The following TNRC6C variants were observed in gnomAD, a reference collection of about 807,000 sequenced individuals.
TNRC6C encodes trinucleotide repeat containing adaptor 6C, also known as trinucleotide repeat-containing gene 6C protein.
In TNRC6C, 20 loss-of-function variants were observed where a neutral mutation model predicts 153.7. That is an observed-to-expected ratio of 0.13 (90% CI 0.09 to 0.19). The LOEUF (loss-of-function observed/expected upper bound fraction) is 0.19. TNRC6C is among the 10% of genes least tolerant of loss of function. The pLI is 1.00. For missense variants in TNRC6C, 1,987 were observed against 2,172.0 expected (o/e 0.91, Z 1.69); for synonymous variants, 811 against 841.4 (o/e 0.96, Z 0.63).
chr17:78,047,750 G>T (rs2072439310), intron 2 of TNRC6C, among the ~76,000 whole-genome samples: 2 of 152,132 alleles, frequency 1.3e-5, no homozygotes, highest in African/African-American at 4.8e-5. Flanking sequence ...ACTCACCAAG[G>T]ATTTCTAAAT....
intron 10 of TNRC6C, among the ~76,000 whole-genome samples, chr17:78,082,627 G>T (rs914579798): frequency 6.6e-6 from 1 of 152,314 alleles, no homozygotes; most frequent in African/African-American, 2.4e-5. Context: ...AGATAAGGGC[G>T]TTTGTAACCC....
At chr17:78,011,554 G>A (rs527723950) in intron 1 of TNRC6C, among the ~76,000 whole-genome samples, 15 of 152,186 alleles carry the variant, frequency 9.9e-5, no homozygotes, top group Non-Finnish European at 1.9e-4. Context: ...TTGTGTAGGT[G>A]TATCACAGCT....
intron 1 of TNRC6C, among the ~76,000 whole-genome samples, chr17:78,007,589 G>A (rs927414553): frequency 6.6e-6 from 1 of 152,154 alleles, no homozygotes; most frequent in Non-Finnish European, 1.5e-5. Context: ...TCCCTCCCCT[G>A]CTCCAGATTG....
intron 1 of TNRC6C, among the ~76,000 whole-genome samples, chr17:77,986,457 AAG>A (rs1156925089): frequency 6.6e-6 from 1 of 151,678 alleles, no homozygotes; most frequent in Non-Finnish European, 1.5e-5. Flanking sequence ...ATTTCACTGA[AAG>A]AGGGAAAAAA....
intron 17 of TNRC6C, among the ~76,000 whole-genome samples, chr17:78,099,759 C>T (rs1270392045): frequency 6.6e-6 from 1 of 152,196 alleles, no homozygotes; most frequent in Non-Finnish European, 1.5e-5. Flanking sequence ...GCCTTCCCAG[C>T]AGTCCCCTAA....
At chr17:78,074,916 A>G (rs191201928) in intron 7 of TNRC6C, among the ~76,000 whole-genome samples, 268 of 152,348 alleles carry the variant, frequency 1.8e-3, no homozygotes, top group Non-Finnish European at 2.7e-3. Flanking sequence ...GAGCCACGGA[A>G]GGGTGCCTGG....
At chr17:77,993,259 G>A (rs971410103) in intron 1 of TNRC6C, among the ~76,000 whole-genome samples, 1 of 152,126 alleles carries the variant, frequency 6.6e-6, no homozygotes, top group Non-Finnish European at 1.5e-5. Context: ...ACCGCGTGCG[G>A]CCCTATCACT....
intron 1 of TNRC6C, among the ~76,000 whole-genome samples, chr17:78,025,594 G>A (rs2071926766): frequency 6.6e-6 from 1 of 151,932 alleles, no homozygotes. Context: ...AACTCATTTG[G>A]GTAAATACCT....
intron 11 of TNRC6C, among the ~76,000 whole-genome samples, chr17:78,085,155 G>A (rs957591619): frequency 5.3e-5 from 8 of 152,162 alleles, no homozygotes; most frequent in Non-Finnish European, 1.0e-4. Context: ...ACTAGATGAC[G>A]CTGCAGGCAT....
intron 2 of TNRC6C, among the ~76,000 whole-genome samples, chr17:78,036,224 G>A (rs578070141): frequency 6.6e-6 from 1 of 152,254 alleles, no homozygotes; most frequent in South Asian, 2.1e-4. Flanking sequence ...TAAACTCTTT[G>A]TGCCCTCCCC....
chr17:78,066,616 CCTT>C (rs1176611578), intron 4 of TNRC6C: 1 of 152,050 alleles, frequency 6.6e-6, no homozygotes, highest in Non-Finnish European at 1.5e-5. Flanking sequence ...TAGTCTTTGC[CCTT>C]CTTCATATTC....
rs1230395244 is a variant in TNRC6C at position 78,049,416 on chromosome 17, G to C, written c.354G>C (p.Val118=). 4.3e-6 allele frequency: 7 copies of C among 1,613,984 alleles called. No individual in the cohort carries two copies. The highest frequency in any genetic ancestry group is 5.9e-6 in the Non-Finnish European group (7 of 1,179,884). Residue 118 remains valine (V), a synonymous_variant, in exon 3 of 20, where the codon GTG becomes GTC. Coordinates refer to ENST00000301624, the Ensembl canonical transcript of TNRC6C. The surrounding 1 kb of genome is among the most constrained non-coding windows in gnomAD (Gnocchi z 4.1). Reference sequence around the variant, plus strand: ...CTGTACTTGGACATGAAGGAACCGTGGCGACAGGCAACCCTTCCAGTATTT... The same window carrying C: ...CTGTACTTGGACATGAAGGAACCGTCGCGACAGGCAACCCTTCCAGTATTT...
intron 1 of TNRC6C, among the ~76,000 whole-genome samples, chr17:78,022,217 T>C (rs1396389653): frequency 6.6e-6 from 1 of 152,238 alleles, no homozygotes; most frequent in Non-Finnish European, 1.5e-5. Flanking sequence ...ATAACAGTTA[T>C]TCAAGGTGGA....
At chr17:77,976,291 G>C (rs1046742492) in intron 1 of TNRC6C, among the ~76,000 whole-genome samples, 2 of 152,092 alleles carry the variant, frequency 1.3e-5, no homozygotes, top group Non-Finnish European at 2.9e-5. Context: ...TAATCATTTT[G>C]GTATGTTTTA....
intron 2 of TNRC6C, among the ~76,000 whole-genome samples, chr17:78,035,348 T>C (rs9914539): frequency 0.057 from 8,721 of 152,256 alleles, 613 homozygotes; most frequent in African/African-American, 0.17. Context: ...TCACTCCCTG[T>C]ACTTTTGACT....
upstream of TNRC6C, among the ~76,000 whole-genome samples, chr17:77,958,970 A>G (rs2070836470): frequency 7.2e-6 from 1 of 139,548 alleles, no homozygotes; most frequent in Admixed American, 7.0e-5. Flanking sequence ...GCCGCCGCCT[A>G]GGACCCGGAC....
At chr17:78,086,481 T>C (rs747506258) in intron 11 of TNRC6C, 22 bp from the exon 14 acceptor site, 1 of 1,607,576 alleles carries the variant, frequency 6.2e-7, no homozygotes, top group East Asian at 2.2e-5. Flanking sequence ...CATACTATTT[T>C]AACTCTTCGT....
At chr17:78,004,161 A>G, upstream of TNRC6C, 1 of 1,231,784 alleles carries the variant, frequency 8.1e-7, no homozygotes, top group Non-Finnish European at 1.0e-6. Context: ...TTTTCTTTGT[A>G]TTTAATAGGG....
chr17:78,028,855 A>G (rs911951700), intron 1 of TNRC6C, among the ~76,000 whole-genome samples: 2 of 152,222 alleles, frequency 1.3e-5, no homozygotes, highest in African/African-American at 4.8e-5. Context: ...AAATAACAAA[A>G]TAGATGTAAT....
Sources: gnomAD v4.1 joint callset for allele counts (sites outside exome capture counted in the v4.1 genomes callset) on GRCh38, gnomAD v4.1.1 for gene constraint, Gnocchi (gnomAD v3.1) non-coding constraint, MANE v1.5 for transcripts, NCBI Gene and HGNC (gene_info 2026-07-23, HGNC 2026-07-21) for gene names.